Variants in SERPINB9 observed in about 807,000 individuals in gnomAD.
SERPINB9 encodes serpin family B member 9.
SERPINB9 carries 20 observed loss-of-function variants against 27.2 expected under a neutral mutation model. The ratio of observed to expected loss-of-function variants is 0.74; its 90% CI spans 0.52 to 1.07. SERPINB9 has a LOEUF of 1.07. Among genes scored for constraint, SERPINB9 ranks in the 50% least tolerant of loss-of-function variants. The pLI is 0.00. For missense variants in SERPINB9, 476 were observed against 460.1 expected, an observed-to-expected ratio of 1.03 and a Z score of -0.32; for synonymous variants, 189 against 180.0, an observed-to-expected ratio of 1.05 and a Z score of -0.40.
intron 2 of SERPINB9, among the ~76,000 whole-genome samples, chr6:2,896,697 A>T (rs1443537738): frequency 6.6e-6 from 1 of 152,242 alleles, no homozygotes; most frequent in Middle Eastern, 3.2e-3. Flanking sequence ...ACATTCTGAA[A>T]TACAGAATTA....
intron 3 of SERPINB9, among the ~76,000 whole-genome samples, 177 bp downstream of exon 3, chr6:2,895,876 C>T (rs1490604335): frequency 4.0e-5 from 6 of 151,660 alleles, no homozygotes; most frequent in Admixed American, 1.3e-4. Flanking sequence ...CACTTGAGAC[C>T]AGGAGTTTAA....
intron 2 of SERPINB9, among the ~76,000 whole-genome samples, chr6:2,899,071 C>T (rs983310769): frequency 6.6e-6 from 1 of 152,130 alleles, no homozygotes; most frequent in Non-Finnish European, 1.5e-5. Flanking sequence ...CACAAGCATC[C>T]AGTTGAACAC....
chr6:2,898,853 T>TAC (rs1187777497), intron 2 of SERPINB9, among the ~76,000 whole-genome samples: 2 of 152,144 alleles, frequency 1.3e-5, no homozygotes, highest in African/African-American at 4.8e-5. Context: ...GAAGATGCTT[T>TAC]ACATTATCAA....
intron 1 of SERPINB9, among the ~76,000 whole-genome samples, chr6:2,901,349 C>G (rs1188321584): frequency 6.6e-6 from 1 of 152,194 alleles, no homozygotes; most frequent in African/African-American, 2.4e-5. Flanking sequence ...TGTGGTTTTG[C>G]TTCGTTTTGT....
In SERPINB9 at chr6:2,891,744, A is replaced by T; in HGVS notation, c.723+89T>A. 6.9e-7 allele frequency: 1 copy of T among 1,447,726 alleles called. No individual in the cohort carries two copies. Among genetic ancestry groups the T allele is most frequent in the Non-Finnish European group, 9.2e-7 (1 of 1,085,916 alleles). The allele number at this position is 1,447,726 out of a possible 1,614,324, so 89.7% of individuals were successfully genotyped here. ...ACAGTGTGCGTCTGCCGCATCGCCA[A>T]CTCAGAAGGTGAATATGAGAGGTGG... On this transcript the variant is annotated intron_variant, in intron 6 of 6. Coordinates refer to ENST00000380698, the MANE Select transcript of SERPINB9 (RefSeq NM_004155.6). The surrounding 1 kb of genome is among the most constrained non-coding windows in gnomAD (Gnocchi z 4.0).
Position 2,890,228 on chromosome 6 carries a change from G to A in SERPINB9, c.1066C>T (p.Leu356Phe), listed in dbSNP as rs1470449760. ...GPRFCADHPF[L>F]FFIRHNRANS... is the part of the protein sequence containing the mutation. ...GCTCTGTTGTGCCTGATGAAGAAAAGGAAAGGGTGGTCAGCACAGAACCTG... is the reference window on the plus strand; with the variant it reads ...GCTCTGTTGTGCCTGATGAAGAAAAAGAAAGGGTGGTCAGCACAGAACCTG... The change falls in exon 7 of 7, where the codon CTT (leucine) becomes TTT (phenylalanine). Residue 356 changes from leucine to phenylalanine, a missense_variant. Physicochemically the swap from Leu to Phe is conservative, Grantham distance 22 (BLOSUM62 0). Transcript: ENST00000380698. This position sits in a 1 kb window ranked among gnomAD's most constrained non-coding sequence, Gnocchi z 6.2. The A allele has an allele frequency of 6.2e-7, 1 of 1,614,208 alleles. No homozygotes were observed. The highest frequency in any genetic ancestry group is 2.2e-5 in the East Asian group (1 of 44,888).
intron 2 of SERPINB9, chr6:2,900,050 G>C (rs1181819721): frequency 2.5e-6 from 1 of 402,412 alleles, no homozygotes; most frequent in African/African-American, 2.1e-5. Context: ...GAAACAACTT[G>C]AAACAGGTAT....
rs1412240109 is a variant in SERPINB9, at chr6:2,894,618, C to T, written c.424+773G>A. On this transcript the variant is annotated intron_variant, in intron 4 of 6. Coordinates refer to ENST00000380698, the MANE Select transcript of SERPINB9 (RefSeq NM_004155.6). The surrounding 1 kb of genome is among the most constrained non-coding windows in gnomAD (Gnocchi z 4.7). ...AGGAAGAGGCAGCCCAAGTGTATACCTCAGGCAAGATCTGTCCACCAATCT... is the reference window on the plus strand; with the variant it reads ...AGGAAGAGGCAGCCCAAGTGTATACTTCAGGCAAGATCTGTCCACCAATCT... Among the ~76,000 whole-genome samples the T allele has an allele frequency of 6.6e-6, 1 of 152,178 alleles. No homozygotes were observed. The highest frequency in any genetic ancestry group is 1.5e-5 in the Non-Finnish European group (1 of 68,032).
rs1767747219 is a variant in SERPINB9 at position 2,890,271 on chromosome 6, G to GCA, written c.1021_1022dup (p.Cys342AlafsTer71). The stretch of plus-strand genomic sequence containing the variant: ...AGAACCTGGGGCCAGATTCCATGCA[G>GCA]CACTCTGCAACTACAAAGCAGCTCG... On this transcript the variant is annotated frameshift_variant, in exon 7 of 7. Coordinates refer to ENST00000380698, the MANE Select transcript of SERPINB9 (RefSeq NM_004155.6). LOFTEE classifies it low-confidence loss of function (END_TRUNC). The surrounding 1 kb of genome is among the most constrained non-coding windows in gnomAD (Gnocchi z 6.2). The GCA allele has an allele frequency of 6.2e-7, 1 of 1,614,110 alleles. No individual in the cohort carries two copies. The highest frequency in any genetic ancestry group is 8.5e-7 in the Non-Finnish European group (1 of 1,180,052).
At position 2,890,295 on chromosome 6, in the gene SERPINB9, C is replaced by A; in HGVS notation, c.999G>T (p.Ser333=). The change falls in exon 7 of 7, where the codon TCG becomes TCT. Residue 333 remains serine, a synonymous_variant. Transcript: ENST00000380698. The surrounding 1 kb of genome is among the most constrained non-coding windows in gnomAD (Gnocchi z 6.2). ...AGCACTCTGCAACTACAAAGCAGCT[C>A]GACGCTGCCGCTGCCTCGGTGCCTT... ...NEEGTEAAAA[S]SCFVVAECCM... 6.2e-7 allele frequency: 1 copy of A among 1,614,198 alleles called. No homozygotes were observed. The highest frequency in any genetic ancestry group is 1.3e-5 in the African/African-American group (1 of 75,038).
Position 2,888,999 on chromosome 6 carries a change from ACTAT to A in SERPINB9, c.*1160_*1163del, listed in dbSNP as rs1767684665. 1 of 152,198 alleles carries A rather than the reference ACTAT, an allele frequency of 6.6e-6. No homozygotes were observed. The highest frequency in any genetic ancestry group is 1.5e-5 in the Non-Finnish European group (1 of 68,034). The allele number at this position is 152,198 out of a possible 1,614,324, so 9.4% of individuals were successfully genotyped here. ...AGTCCCAACCTTTGGTTGTTGGAGG[ACTAT>A]CTAAGGATACAGAGATTAATAAAAA... On this transcript the variant is annotated 3_prime_UTR_variant, in exon 7 of 7. Coordinates refer to ENST00000380698, the MANE Select transcript of SERPINB9 (RefSeq NM_004155.6).
chr6:2,902,038 C>T (rs570403074), intron 1 of SERPINB9, among the ~76,000 whole-genome samples: 3 of 152,130 alleles, frequency 2.0e-5, no homozygotes, highest in African/African-American at 4.8e-5. Context: ...CAAAGGTGGC[C>T]GCTCAAAGCC....
chr6:2,892,337 G>GA (rs959428805), intron 5 of SERPINB9, among the ~76,000 whole-genome samples: 14 of 151,780 alleles, frequency 9.2e-5, no homozygotes, highest in African/African-American at 3.1e-4. Context: ...GATTTAATTA[G>GA]AAAAAAATGT....
chr6:2,889,684 C>A lies in SERPINB9; in HGVS notation c.*479G>T, dbSNP rs1465957595. On this transcript the variant is annotated 3_prime_UTR_variant, in exon 7 of 7. Coordinates refer to ENST00000380698, the MANE Select transcript of SERPINB9 (RefSeq NM_004155.6). ...CACTCCAGCCTGGGCGACAGAGAGC[C>A]AGACTGCGTCTCAGAAAAAAAAAAA... 1.4e-5 allele frequency: 2 copies of A among 142,910 alleles called. No individual in the cohort carries two copies. Among genetic ancestry groups the A allele is most frequent in the Non-Finnish European group, 3.0e-5 (2 of 66,420 alleles). The allele number at this position is 142,910 out of a possible 1,614,324, so 8.9% of individuals were successfully genotyped here.
chr6:2,896,343 G>A (rs1348825948), intron 2 of SERPINB9, among the ~76,000 whole-genome samples, 153 bp from the exon 3 acceptor site: 1 of 152,110 alleles, frequency 6.6e-6, no homozygotes, highest in South Asian at 2.1e-4. Context: ...CACAAAAAAT[G>A]ACAAGGGTGA....
At chr6:2,900,885 T>TCTCACACACACACACACA (rs61100591) in intron 1 of SERPINB9, among the ~76,000 whole-genome samples, 4,765 of 141,468 alleles carry the variant, frequency 0.034, 134 homozygotes, top group African/African-American at 0.071. Flanking sequence ...GCTCGCTCTC[T>TCTCACACACACACACACA]CACACACACA....
chr6:2,903,038 C>T lies in SERPINB9; in HGVS notation c.-11+163G>A, dbSNP rs557809407. Among the ~76,000 whole-genome samples the T allele has an allele frequency of 1.3e-5, 2 of 152,314 alleles. No homozygotes were observed. Among genetic ancestry groups the T allele is most frequent in the African/African-American group, 4.8e-5 (2 of 41,572 alleles). ...AGACCGGCTGCCGCTCCCAGGCACC[C>T]CCCAGAGACCGTTGCTGACCCCACC... On this transcript the variant is annotated intron_variant, in intron 1 of 6. Transcript: ENST00000380698. This position sits in a 1 kb window ranked among gnomAD's most constrained non-coding sequence, Gnocchi z 5.2.
chr6:2,897,496 A>C (rs1475625881), intron 2 of SERPINB9, among the ~76,000 whole-genome samples: 1 of 152,170 alleles, frequency 6.6e-6, no homozygotes, highest in Non-Finnish European at 1.5e-5. Context: ...AATTCTTCTA[A>C]ATAAGTATAT....
At chr6:2,899,050 G>A (rs868582534) in intron 2 of SERPINB9, among the ~76,000 whole-genome samples, 4 of 152,262 alleles carry the variant, frequency 2.6e-5, no homozygotes, top group Middle Eastern at 3.4e-3. Context: ...TACTCAGTAT[G>A]TTTGGTGTCT....
Sources: allele counts gnomAD v4.1 joint callset (sites outside exome capture counted in the v4.1 genomes callset), GRCh38; gene constraint gnomAD v4.1.1; non-coding constraint Gnocchi (gnomAD v3.1); transcripts MANE v1.5; gene names NCBI Gene and HGNC (gene_info 2026-07-23, HGNC 2026-07-21).